The following MVB12B variants were observed in gnomAD, a reference collection of about 807,000 sequenced individuals.
The protein encoded by MVB12B is multivesicular body subunit 12B.
Under a neutral mutation model 41.6 loss-of-function variants are expected in MVB12B, and 16 were observed. The ratio of observed to expected loss-of-function variants is 0.38; its 90% confidence interval spans 0.26 to 0.58. The LOEUF is 0.58. Ranked by LOEUF, MVB12B falls within the 20% of genes least tolerant of loss-of-function variation. The probability of loss-of-function intolerance (pLI) is 0.62; values close to 1 mark genes in which losing one functional copy is unlikely to be tolerated. For synonymous variants in MVB12B, 133 were observed against 139.7 expected (o/e 0.95, Z 0.34); for missense variants, 274 against 380.2 (o/e 0.72, Z 2.32).
At chr9:126,344,328 T>C (rs578096447) in intron 2 of MVB12B, among the ~76,000 whole-genome samples, 1 of 152,320 alleles carries the variant, frequency 6.6e-6, no homozygotes, top group East Asian at 1.9e-4. Context: ...TGATTTATCT[T>C]TCAGATCTAG....
In MVB12B at chr9:126,503,564, G is replaced by A. The variant is rs1834007688; in HGVS notation, c.*301G>A. ...GTCCTCCAAAAACCTCACTCACCAC[G>A]GAGTCACCCTGAGGGCCCCGGGCAG... On this transcript the variant is annotated 3_prime_UTR_variant, in exon 10 of 10. Coordinates refer to ENST00000361171, the MANE Select transcript of MVB12B (RefSeq NM_033446.3). 2.3e-6 allele frequency: 1 copy of A among 441,072 alleles called. No individual in the cohort carries two copies. The highest frequency in any genetic ancestry group is 4.1e-6 in the Non-Finnish European group (1 of 245,688). The allele number at this position is 441,072 out of a possible 1,614,324, so 27.3% of individuals were successfully genotyped here. A position where few individuals can be genotyped will look rare whatever the true frequency, so the allele number is the denominator to read the frequency against.
At chr9:126,463,261 T>C (rs766829484) in intron 7 of MVB12B, among the ~76,000 whole-genome samples, 1 of 152,114 alleles carries the variant, frequency 6.6e-6, no homozygotes, top group African/African-American at 2.4e-5. Context: ...TTCTAAGGGC[T>C]CCCATCCTCT....
chr9:126,434,975 C>G (rs376772042), intron 7 of MVB12B, among the ~76,000 whole-genome samples: 27 of 152,242 alleles, frequency 1.8e-4, no homozygotes, highest in African/African-American at 6.3e-4. Flanking sequence ...CTCAATGTTT[C>G]GTTGATTCTG....
chr9:126,453,792 CAT>C lies in MVB12B; in HGVS notation c.758-27576_758-27575del, dbSNP rs1186346539. Among the ~76,000 whole-genome samples, 3 of 152,250 alleles carry C rather than the reference CAT, an allele frequency of 2.0e-5. No individual in the cohort carries two copies. The East Asian group carries it at 5.8e-4, about 29-fold the overall frequency. On this transcript the variant is annotated intron_variant, in intron 7 of 9. Transcript: ENST00000361171. ...ACAGCCTCACATGCATATGTGCACA[CAT>C]GACACGTGTGCATGCTCACATGTGT...
intron 9 of MVB12B, among the ~76,000 whole-genome samples, chr9:126,500,951 C>A (rs1397000748): frequency 1.3e-5 from 2 of 152,264 alleles, no homozygotes; most frequent in Non-Finnish European, 2.9e-5. Flanking sequence ...CCGCCCCCTC[C>A]TCTGCTACCT....
intron 7 of MVB12B, among the ~76,000 whole-genome samples, chr9:126,458,939 C>T (rs1008117981): frequency 1.3e-5 from 2 of 152,182 alleles, no homozygotes; most frequent in Non-Finnish European, 2.9e-5. Flanking sequence ...AAAAGGCATT[C>T]ACAAGGCATC....
rs1259793698 is a variant in MVB12B at position 126,332,173 on chromosome 9, A to C, written c.81+5163A>C. 4.0e-5 allele frequency among the ~76,000 whole-genome samples: 6 copies of C among 150,928 alleles called. No homozygotes were observed. In the East Asian group the frequency reaches 9.8e-4, roughly 25 times the overall value. Reference sequence around the variant, plus strand: ...TTGCAAGACTTTCACCACTTCACACACCCCCGTCTTTCAGGGAGGCCAGTT... The same window carrying C: ...TTGCAAGACTTTCACCACTTCACACCCCCCCGTCTTTCAGGGAGGCCAGTT... On this transcript the variant is annotated intron_variant, in intron 1 of 9. Coordinates refer to ENST00000361171, the MANE Select transcript of MVB12B (RefSeq NM_033446.3).
At chr9:126,471,164 C>T (rs890211210) in intron 7 of MVB12B, among the ~76,000 whole-genome samples, 5 of 152,190 alleles carry the variant, frequency 3.3e-5, no homozygotes, top group East Asian at 1.9e-4. Flanking sequence ...GACATAAAAC[C>T]GCAGCCTTGC....
Position 126,459,252 on chromosome 9 carries a change from G to A in MVB12B, c.758-22117G>A, listed in dbSNP as rs373123649. Among the ~76,000 whole-genome samples the A allele has an allele frequency of 8.5e-5, 13 of 152,326 alleles. No individual in the cohort carries two copies. The East Asian group carries it at 1.9e-3, about 23-fold the overall frequency. On this transcript the variant is annotated intron_variant, in intron 7 of 9. Coordinates refer to ENST00000361171, the MANE Select transcript of MVB12B (RefSeq NM_033446.3). The surrounding 1 kb of genome is among the most constrained non-coding windows in gnomAD (Gnocchi z 4.3). Reference sequence around the variant, plus strand: ...TCACGAGCCTGGCCTGCTGAGTGGTGCCAGTGCAGGCCTCCCCTTGACTGA... The same window carrying A: ...TCACGAGCCTGGCCTGCTGAGTGGTACCAGTGCAGGCCTCCCCTTGACTGA...
chr9:126,335,469 G>A (rs1328653722), intron 1 of MVB12B: 13 of 1,194,748 alleles, frequency 1.1e-5, no homozygotes, highest in South Asian at 3.8e-5. Context: ...GTGCATTGGT[G>A]AGGCCTGGCC....
chr9:126,501,654 C>G (rs965221527), intron 9 of MVB12B, among the ~76,000 whole-genome samples: 2 of 152,250 alleles, frequency 1.3e-5, no homozygotes, highest in Non-Finnish European at 2.9e-5. Context: ...CTGTGACTTG[C>G]TGGCTGCCAC....
At chr9:126,461,288 CTT>C (rs1157756507) in intron 7 of MVB12B, among the ~76,000 whole-genome samples, 1 of 152,170 alleles carries the variant, frequency 6.6e-6, no homozygotes, top group Non-Finnish European at 1.5e-5. Flanking sequence ...TCTCTGTTGT[CTT>C]TGAATCACGC....
At position 126,489,369 on chromosome 9, in the gene MVB12B, G is replaced by GGC. The variant is rs539614667; in HGVS notation, c.873+5338_873+5339dup. On this transcript the variant is annotated intron_variant, in intron 9 of 9. Coordinates refer to ENST00000361171, the MANE Select transcript of MVB12B (RefSeq NM_033446.3). ...GCGTGCCACACAGCGCGGCAGTCAG[G>GGC]GCACCTGGCAGCTGGTGGAGCGTGG... 9.3e-3 allele frequency among the ~76,000 whole-genome samples: 1,413 copies of GGC among 152,350 alleles called. 10 individuals carry two copies. The highest frequency in any genetic ancestry group is 0.016 in the Non-Finnish European group (1,085 of 68,032).
intron 6 of MVB12B, among the ~76,000 whole-genome samples, chr9:126,416,742 G>T (rs1831837969): frequency 6.6e-6 from 1 of 152,150 alleles, no homozygotes; most frequent in African/African-American, 2.4e-5. Flanking sequence ...TGTTAAATGA[G>T]AATAATTACT....
At chr9:126,381,746 T>A (rs7870743) in intron 3 of MVB12B, among the ~76,000 whole-genome samples, 52,174 of 151,654 alleles carry the variant, frequency 0.34, 9,280 homozygotes, top group South Asian at 0.42. Flanking sequence ...GTTTTTTTTT[T>A]AAAAACATCT....
intron 7 of MVB12B, 80 bp from the exon 8 acceptor site, chr9:126,481,289 T>C: frequency 8.4e-7 from 1 of 1,188,324 alleles, no homozygotes; most frequent in South Asian, 1.2e-5. Flanking sequence ...ATATTCTCTG[T>C]TTCGACATCT....
intron 7 of MVB12B, among the ~76,000 whole-genome samples, chr9:126,469,247 G>T (rs1833263250): frequency 6.6e-6 from 1 of 152,194 alleles, no homozygotes; most frequent in Non-Finnish European, 1.5e-5. Flanking sequence ...ATGGGAGACA[G>T]GCCGGCAGGA....
chr9:126,345,085 G>A (rs1189971782), intron 2 of MVB12B, among the ~76,000 whole-genome samples: 1 of 152,186 alleles, frequency 6.6e-6, no homozygotes, highest in Non-Finnish European at 1.5e-5. Flanking sequence ...AGACCTTTCT[G>A]GGACTTTGGG....
chr9:126,493,946 C>G (rs908308985), intron 9 of MVB12B, among the ~76,000 whole-genome samples: 1 of 152,172 alleles, frequency 6.6e-6, no homozygotes, highest in Non-Finnish European at 1.5e-5. Context: ...CTGGCAAGGT[C>G]GTTCCTCTTC....
Sources: gnomAD v4.1 joint callset for allele counts (sites outside exome capture counted in the v4.1 genomes callset) on GRCh38, gnomAD v4.1.1 for gene constraint, Gnocchi (gnomAD v3.1) non-coding constraint, MANE v1.5 for transcripts, NCBI Gene and HGNC (gene_info 2026-07-23, HGNC 2026-07-21) for gene names.